Variants in DLG2 observed in about 807,000 individuals in gnomAD.
DLG2 encodes discs large MAGUK scaffold protein 2.
In DLG2, 45 loss-of-function variants were observed where a neutral mutation model predicts 132.5. That is an observed-to-expected ratio of 0.34 (90% CI 0.27 to 0.44). The LOEUF is 0.44. Ranked by LOEUF, DLG2 falls within the 20% of genes least tolerant of loss-of-function variation. The pLI, the probability that DLG2 is intolerant of heterozygous loss-of-function variation, is 1.00. For synonymous variants in DLG2, 424 were observed against 419.6 expected (o/e 1.01, Z -0.13); for missense variants, 1,045 against 1,196.9 (o/e 0.87, Z 1.87).
chr11:83,634,953 C>A (rs2064414813), intron 18 of DLG2, among the ~76,000 whole-genome samples: 1 of 152,088 alleles, frequency 6.6e-6, no homozygotes, highest in Non-Finnish European at 1.5e-5. Context: ...ATAAATAAGT[C>A]CTAAATGATT....
intron 15 of DLG2, among the ~76,000 whole-genome samples, chr11:83,916,866 C>A (rs79074554): frequency 0.018 from 2,768 of 152,158 alleles, 91 homozygotes; most frequent in African/African-American, 0.063. Context: ...AAAAGCACTA[C>A]CACCTGAAGT....
chr11:85,601,050 C>G (rs2080119781), intron 2 of DLG2, among the ~76,000 whole-genome samples: 1 of 152,110 alleles, frequency 6.6e-6, no homozygotes, highest in Non-Finnish European at 1.5e-5. Flanking sequence ...TGTAGCTTAT[C>G]CACCGCACAA....
chr11:84,619,396 T>C (rs1299884897), intron 6 of DLG2, among the ~76,000 whole-genome samples: 1 of 151,778 alleles, frequency 6.6e-6, no homozygotes, highest in East Asian at 1.9e-4. Flanking sequence ...AAATTGTTAA[T>C]TAAAAGAAAA....
chr11:84,186,675 T>G (rs1371769628), intron 8 of DLG2, among the ~76,000 whole-genome samples: 1 of 151,882 alleles, frequency 6.6e-6, no homozygotes, highest in Admixed American at 6.6e-5. Context: ...TGAACACTCC[T>G]CCTATCTAGA....
intron 22 of DLG2, among the ~76,000 whole-genome samples, chr11:83,476,840 TAATA>T (rs2092658805): frequency 6.6e-6 from 1 of 152,136 alleles, no homozygotes; most frequent in African/African-American, 2.4e-5. Context: ...AAAACATGTC[TAATA>T]AATAGTTTTG....
chr11:84,788,935 C>G (rs2073381434), intron 6 of DLG2, among the ~76,000 whole-genome samples: 1 of 152,268 alleles, frequency 6.6e-6, no homozygotes. Context: ...GTTTTCCTCA[C>G]TAAGACCAGA....
chr11:84,421,261 A>G (rs945943497), intron 7 of DLG2, among the ~76,000 whole-genome samples: 5 of 152,156 alleles, frequency 3.3e-5, no homozygotes, highest in Admixed American at 2.6e-4. Flanking sequence ...GAAGCTACCC[A>G]GTTTATGGTA....
intron 19 of DLG2, among the ~76,000 whole-genome samples, chr11:83,614,895 T>C (rs1308446498): frequency 6.6e-6 from 1 of 152,220 alleles, no homozygotes; most frequent in Non-Finnish European, 1.5e-5. Flanking sequence ...AAGAAGTACT[T>C]GTTTTTCAAT....
At chr11:84,926,306 T>G (rs1044470977) in intron 6 of DLG2, among the ~76,000 whole-genome samples, 2 of 152,016 alleles carry the variant, frequency 1.3e-5, no homozygotes, top group Non-Finnish European at 2.9e-5. Context: ...TATCAAATAT[T>G]TAAAGAGGCA....
At chr11:85,377,835 A>G (rs1418120485) in intron 3 of DLG2, among the ~76,000 whole-genome samples, 2 of 147,814 alleles carry the variant, frequency 1.4e-5, no homozygotes, top group African/African-American at 2.5e-5. Context: ...ATACATATAT[A>G]TGTGTGTATA....
intron 6 of DLG2, among the ~76,000 whole-genome samples, chr11:85,087,228 T>A (rs533870605): frequency 6.2e-4 from 95 of 152,304 alleles, no homozygotes; most frequent in African/African-American, 2.2e-3. Context: ...AAGGTACAAT[T>A]ACAAATTGTG....
chr11:85,360,106 T>G (rs918870844), intron 3 of DLG2, among the ~76,000 whole-genome samples: 1 of 152,190 alleles, frequency 6.6e-6, no homozygotes, highest in South Asian at 2.1e-4. Context: ...AAGGATTCAG[T>G]TGGACGGAAA....
At chr11:85,245,979 T>A (rs573285243) in intron 4 of DLG2, among the ~76,000 whole-genome samples, 1 of 151,960 alleles carries the variant, frequency 6.6e-6, no homozygotes, top group Non-Finnish European at 1.5e-5. Context: ...CTGTGATTCT[T>A]ATTCTATCAT....
intron 6 of DLG2, among the ~76,000 whole-genome samples, chr11:84,881,948 T>G (rs2087416199): frequency 6.6e-6 from 1 of 152,142 alleles, no homozygotes; most frequent in African/African-American, 2.4e-5. Context: ...TTTATTCTGT[T>G]TAAAGTTCTT....
chr11:84,864,784 C>T (rs532927884), intron 6 of DLG2, among the ~76,000 whole-genome samples: 3 of 152,094 alleles, frequency 2.0e-5, no homozygotes, highest in Non-Finnish European at 4.4e-5. Flanking sequence ...CCGGGAAGGT[C>T]GGGAAAGCTT....
At chr11:85,262,492 G>A (rs960999508) in intron 4 of DLG2, among the ~76,000 whole-genome samples, 8 of 152,102 alleles carry the variant, frequency 5.3e-5, no homozygotes, top group Non-Finnish European at 8.8e-5. Flanking sequence ...AAGTTTAATG[G>A]GAGTCTGAAG....
At chr11:85,559,397 C>T (rs2077103982) in intron 3 of DLG2, among the ~76,000 whole-genome samples, 1 of 151,346 alleles carries the variant, frequency 6.6e-6, no homozygotes. Context: ...GATCTGCCCG[C>T]CTCGGCCTCC....
chr11:83,899,971 T>A (rs1361252542), intron 15 of DLG2, among the ~76,000 whole-genome samples: 1 of 152,176 alleles, frequency 6.6e-6, no homozygotes, highest in African/African-American at 2.4e-5. Context: ...GATAGTGATA[T>A]GGACAAGAAA....
chr11:84,422,293 T>C (rs1195504520), intron 7 of DLG2, among the ~76,000 whole-genome samples: 1 of 152,154 alleles, frequency 6.6e-6, no homozygotes, highest in Non-Finnish European at 1.5e-5. Flanking sequence ...TTTTACAGAT[T>C]AGAAAAAGAA....
Sources: allele counts gnomAD v4.1 joint callset (sites outside exome capture counted in the v4.1 genomes callset), GRCh38; gene constraint gnomAD v4.1.1; transcripts MANE v1.5; gene names NCBI Gene and HGNC (gene_info 2026-07-23, HGNC 2026-07-21).